UNC13B: variants seen among roughly 807,000 people sequenced by gnomAD.
UNC13B encodes protein unc-13 homolog B.
UNC13B carries 144 observed loss-of-function variants against 211.0 expected under a neutral mutation model. The observed-to-expected ratio is 0.68, with a 90% CI of 0.60 to 0.78. The LOEUF is 0.78. Among genes scored for constraint, UNC13B ranks in the 30% least tolerant of loss-of-function variants. The pLI is 0.00. For missense variants in UNC13B, 1,777 were observed against 2,002.0 expected (o/e 0.89, Z 2.14); for synonymous variants, 709 against 725.8 (o/e 0.98, Z 0.37).
At chr9:35,341,766 G>A in intron 11 of UNC13B, 1 of 184,880 alleles carries the variant, frequency 5.4e-6, no homozygotes. Context: ...GCGTGAGTGT[G>A]CTGGGAAGGG....
intron 10 of UNC13B, among the ~76,000 whole-genome samples, chr9:35,313,651 A>AATAC (rs1412457321): frequency 6.6e-6 from 1 of 150,632 alleles, no homozygotes; most frequent in African/African-American, 2.4e-5. Flanking sequence ...TAAATAAATA[A>AATAC]ATAAATAAAT....
intron 1 of UNC13B, among the ~76,000 whole-genome samples, chr9:35,171,166 A>G (rs755787655): frequency 7.3e-5 from 11 of 150,904 alleles, no homozygotes; most frequent in Non-Finnish European, 1.2e-4. Flanking sequence ...CAGTGGCTCA[A>G]TCTTGGCCCA....
At chr9:35,253,945 T>C (rs908781804) in intron 6 of UNC13B, among the ~76,000 whole-genome samples, 7 of 152,256 alleles carry the variant, frequency 4.6e-5, no homozygotes, top group Non-Finnish European at 8.8e-5. Flanking sequence ...GTTTCCTTAC[T>C]GATACTTGAT....
At position 35,323,761 on chromosome 9, in the gene UNC13B, G is replaced by A. The variant is rs73645460; in HGVS notation, c.9414+9772G>A. Among the ~76,000 whole-genome samples, 1,094 of 152,204 alleles carry A rather than the reference G, an allele frequency of 7.2e-3. 12 individuals are homozygous for A. The highest frequency in any genetic ancestry group is 0.024 in the African/African-American group (1,008 of 41,522). ...CCCCATGCATTACTGGGTCAGAAGT[G>A]AGGTTTGGTTTTCTCTGGCTTCCTC... On this transcript the variant is annotated intron_variant, in intron 11 of 39. Transcript: ENST00000635942.
chr9:35,237,352 A>C (rs1200319519), intron 4 of UNC13B, among the ~76,000 whole-genome samples: 1 of 152,164 alleles, frequency 6.6e-6, no homozygotes, highest in Non-Finnish European at 1.5e-5. Context: ...CTATTTAGCC[A>C]GCAATGTTAG....
chr9:35,197,190 T>C (rs2131361572), intron 1 of UNC13B, among the ~76,000 whole-genome samples: 1 of 152,308 alleles, frequency 6.6e-6, no homozygotes, highest in African/African-American at 2.4e-5. Context: ...TGCTTTCTTA[T>C]TTAAATATTT....
intron 7 of UNC13B, among the ~76,000 whole-genome samples, chr9:35,267,207 G>A (rs571360942): frequency 3.1e-4 from 47 of 152,322 alleles, no homozygotes; most frequent in African/African-American, 1.0e-3. Context: ...CCATCACAAA[G>A]AGATTCCTAT....
chr9:35,251,206 C>T (rs1463059413), intron 6 of UNC13B, among the ~76,000 whole-genome samples: 6 of 151,934 alleles, frequency 3.9e-5, no homozygotes, highest in Middle Eastern at 3.2e-3. Flanking sequence ...CCTCGTGATC[C>T]GCCCGCCTCG....
At chr9:35,213,575 T>A (rs1587387464) in intron 1 of UNC13B, among the ~76,000 whole-genome samples, 1 of 152,182 alleles carries the variant, frequency 6.6e-6, no homozygotes, top group Admixed American at 6.5e-5. Context: ...GGCTTCCTGG[T>A]GACAAGAGAC....
chr9:35,398,589 G>C lies in UNC13B; in HGVS notation c.11868G>C (p.Leu3956=), dbSNP rs147375465. The change falls in exon 32 of 40, where the codon CTG becomes CTC. Residue 3956 remains leucine, a synonymous_variant. Transcript: ENST00000635942. ...DLEAADSLKE[L]QVKLNTVLDE... is the part of the protein sequence containing the mutation. ...AAGCTGCAGACAGTCTGAAGGAGCT[G>C]CAGGTGAAACTGAATACGGTTCTGG... 2 of 1,613,914 alleles carry C rather than the reference G, an allele frequency of 1.2e-6. No homozygotes were observed. Among genetic ancestry groups the C allele is most frequent in the African/African-American group, 2.7e-5 (2 of 74,912 alleles).
chr9:35,220,023 CTTAA>C (rs1289463518), intron 1 of UNC13B, among the ~76,000 whole-genome samples: 2 of 151,892 alleles, frequency 1.3e-5, no homozygotes, highest in African/African-American at 4.8e-5. Context: ...GAGGTAAGGG[CTTAA>C]TTTTGTCTTT....
rs1316240948 is a variant in UNC13B at position 35,398,544 on chromosome 9, G to A, written c.11833-10G>A. ...AGCAGCCTAGCCAGGCTTACCTCCTGTGAATACAGCTGGACCTTGAAGCTG... is the reference window on the plus strand; with the variant it reads ...AGCAGCCTAGCCAGGCTTACCTCCTATGAATACAGCTGGACCTTGAAGCTG... On this transcript the variant is annotated splice_polypyrimidine_tract_variant and intron_variant, in intron 31 of 39. Coordinates refer to ENST00000635942, the MANE Select transcript of UNC13B (RefSeq NM_001371189.2). The A allele has an allele frequency of 1.2e-6, 2 of 1,613,714 alleles. No homozygotes were observed. Among genetic ancestry groups the A allele is most frequent in the South Asian group, 1.1e-5 (1 of 91,052 alleles).
chr9:35,191,497 C>T (rs925252364), intron 1 of UNC13B, among the ~76,000 whole-genome samples: 2 of 152,116 alleles, frequency 1.3e-5, no homozygotes, highest in Non-Finnish European at 2.9e-5. Flanking sequence ...TGCCTGGGGA[C>T]CAGACCAAGA....
intron 11 of UNC13B, among the ~76,000 whole-genome samples, chr9:35,349,155 A>T (rs1399781277): frequency 6.6e-6 from 1 of 152,094 alleles, no homozygotes; most frequent in Non-Finnish European, 1.5e-5. Flanking sequence ...TGACCTTGTG[A>T]TCTGCCTGCC....
In UNC13B at chr9:35,307,391, G is replaced by A. The variant is rs563452238; in HGVS notation, c.7987G>A (p.Ala2663Thr). The A allele has an allele frequency of 7.5e-6, 3 of 398,968 alleles. No homozygotes were observed. Among genetic ancestry groups the A allele is most frequent in the South Asian group, 2.5e-4 (2 of 7,848 alleles). The allele number at this position is 398,968 out of a possible 1,614,324, so 24.7% of individuals were successfully genotyped here. ...GTTGCATCCAGATCCTACCTGCATT[G>A]CCGAAGAGCTTCCTCCTCCCATTCA... ...AQLHPDPTCI[A>T]EELPPPIQPP... Residue 2663 changes from alanine (A) to threonine (T), a missense_variant, in exon 9 of 40, where the codon GCC becomes ACC. By Grantham distance (58) the Ala-to-Thr change is moderately conservative. Transcript: ENST00000635942.
chr9:35,289,745 G>A (rs1191497503), intron 7 of UNC13B, among the ~76,000 whole-genome samples: 1 of 152,204 alleles, frequency 6.6e-6, no homozygotes, highest in African/African-American at 2.4e-5. Context: ...GGGAGGCTGA[G>A]GCGGGTGGAT....
At chr9:35,353,299 T>C (rs967765066) in intron 11 of UNC13B, 7 of 1,232,208 alleles carry the variant, frequency 5.7e-6, no homozygotes, top group Non-Finnish European at 7.1e-6. Context: ...TTCACCACTT[T>C]CGTTCTGCTC....
chr9:35,385,164 A>C, intron 22 of UNC13B: 11 of 985,448 alleles, frequency 1.1e-5, no homozygotes, highest in Non-Finnish European at 1.3e-5. Flanking sequence ...GACTCGTGCC[A>C]AAGTGAATGA....
At chr9:35,193,862 T>C (rs1395760225) in intron 1 of UNC13B, among the ~76,000 whole-genome samples, 3 of 152,066 alleles carry the variant, frequency 2.0e-5, no homozygotes, top group African/African-American at 7.2e-5. Context: ...AGCTAGGCTG[T>C]TTTTGGTAAA....
Sources: gnomAD v4.1 joint callset for allele counts (sites outside exome capture counted in the v4.1 genomes callset) on GRCh38, gnomAD v4.1.1 for gene constraint, MANE v1.5 for transcripts, NCBI Gene and HGNC (gene_info 2026-07-23, HGNC 2026-07-21) for gene names.